The following MS4A6E variants were observed in gnomAD, a reference collection of about 807,000 sequenced individuals.
The protein encoded by MS4A6E is membrane spanning 4-domains A6E.
Under a neutral mutation model 13.2 loss-of-function variants are expected in MS4A6E, and 8 were observed. That is an observed-to-expected ratio of 0.60 (90% CI 0.35 to 1.09). MS4A6E has a LOEUF of 1.09. Ranked by LOEUF, MS4A6E falls within the 50% of genes least tolerant of loss-of-function variation. The pLI, the probability that MS4A6E is intolerant of heterozygous loss-of-function variation, is 0.02. For synonymous variants in MS4A6E, 72 were observed against 67.6 expected, an observed-to-expected ratio of 1.06 and a Z score of -0.32; for missense variants, 177 against 171.1, an observed-to-expected ratio of 1.03 and a Z score of -0.19.
chr11:60,337,474 A>G (rs773223765), intron 2 of MS4A6E, among the ~76,000 whole-genome samples: 1 of 152,104 alleles, frequency 6.6e-6, no homozygotes, highest in Non-Finnish European at 1.5e-5. Context: ...TCCCAGGGAA[A>G]GAATTTAGGA....
rs753903123 is a variant in MS4A6E, at chr11:60,337,964, T to C, written c.354+17T>C. On this transcript the variant is annotated intron_variant, in intron 3 of 4. Transcript: ENST00000684409. ...AGTCTGGCTGTAAGTATTTTTTAGATGGGATGTTCTAATTTTATGAGGTTT... is the reference window on the plus strand; with the variant it reads ...AGTCTGGCTGTAAGTATTTTTTAGACGGGATGTTCTAATTTTATGAGGTTT... 8 of 1,604,018 alleles carry C rather than the reference T, an allele frequency of 5.0e-6. No homozygotes were observed. The highest frequency in any genetic ancestry group is 3.3e-5 in the South Asian group (3 of 90,580).
At chr11:60,331,196 T>C (rs1258992042) in intron 1 of MS4A6E, among the ~76,000 whole-genome samples, 1 of 152,158 alleles carries the variant, frequency 6.6e-6, no homozygotes, top group African/African-American at 2.4e-5. Context: ...AATAATATTC[T>C]ACTATATAGC....
chr11:60,336,104 C>T (rs766288809), intron 2 of MS4A6E, among the ~76,000 whole-genome samples: 148 of 152,216 alleles, frequency 9.7e-4, no homozygotes, highest in Admixed American at 1.4e-3. Flanking sequence ...TTCTTTCCCT[C>T]GTTGGTATTT....
intron 4 of MS4A6E, among the ~76,000 whole-genome samples, chr11:60,340,200 A>T (rs10897051): frequency 0.63 from 96,417 of 152,094 alleles, 32,273 homozygotes; most frequent in Non-Finnish European, 0.74. Context: ...AACTGGTTCA[A>T]TCTTCCCATT....
chr11:60,337,610 A>G, intron 2 of MS4A6E, 131 bp from the exon 3 acceptor site: 1 of 1,127,516 alleles, frequency 8.9e-7, no homozygotes, highest in Non-Finnish European at 1.3e-6. Flanking sequence ...GAGGCCTACA[A>G]CAAGAAATGA....
At position 60,337,813 on chromosome 11, in the gene MS4A6E, A is replaced by T. The variant is rs1490664728; in HGVS notation, c.220A>T (p.Asn74Tyr). 1 of 1,614,236 alleles carries T rather than the reference A, an allele frequency of 6.2e-7. No individual in the cohort carries two copies. ...ALVGFILLSV[N>Y]PAALNPASLQ... Reference sequence around the variant, plus strand: ...GGTGGGTTTCATTCTCCTGTCTGTCAACCCGGCTGCATTAAATCCTGCCTC... The same window carrying T: ...GGTGGGTTTCATTCTCCTGTCTGTCTACCCGGCTGCATTAAATCCTGCCTC... Residue 74 changes from asparagine to tyrosine, a missense_variant, in exon 3 of 5, where the codon AAC (asparagine) becomes TAC (tyrosine). Asn to Tyr is a moderately radical substitution (Grantham distance 143, BLOSUM62 -2). Transcript: ENST00000684409.
chr11:60,339,623 G>C (rs1403154948), intron 3 of MS4A6E, among the ~76,000 whole-genome samples: 1 of 152,180 alleles, frequency 6.6e-6, no homozygotes, highest in Non-Finnish European at 1.5e-5. Flanking sequence ...TGAGAAACAA[G>C]TGTATGAAAT....
At chr11:60,328,266 G>T (rs2085132346) in intron 1 of MS4A6E, among the ~76,000 whole-genome samples, 2 of 152,228 alleles carry the variant, frequency 1.3e-5, no homozygotes, top group South Asian at 4.1e-4. Flanking sequence ...TAATCAAAAA[G>T]TAAGTGAAAT....
At chr11:60,346,174 C>T (rs1304229025), downstream of MS4A6E, among the ~76,000 whole-genome samples, 1 of 152,178 alleles carries the variant, frequency 6.6e-6, no homozygotes, top group African/African-American at 2.4e-5. Context: ...ATGCTACAGT[C>T]TGGACAGGGT....
At chr11:60,342,200 A>AGGG (rs1161931160), downstream of MS4A6E, among the ~76,000 whole-genome samples, 30 of 74,758 alleles carry the variant, frequency 4.0e-4, no homozygotes, top group South Asian at 1.0e-3. Context: ...AGAGAGAGAG[A>AGGG]GGGGGGGGGA....
At chr11:60,341,583 T>C (rs2085225877), downstream of MS4A6E, among the ~76,000 whole-genome samples, 1 of 145,180 alleles carries the variant, frequency 6.9e-6, no homozygotes, top group Admixed American at 6.9e-5. Flanking sequence ...CTCACCTTGC[T>C]CATGCACACA....
Position 60,337,885 on chromosome 11 carries a change from C to A in MS4A6E, c.292C>A (p.Leu98Ile), listed in dbSNP as rs778970331. 8 of 1,614,062 alleles carry A rather than the reference C, an allele frequency of 5.0e-6. No individual in the cohort carries two copies. The highest frequency in any genetic ancestry group is 6.8e-6 in the Non-Finnish European group (8 of 1,180,024). ...DEKDIPTRLLLSYDYHSPYTM... is the reference protein window; with the variant it reads ...DEKDIPTRLLISYDYHSPYTM... ...AAAGGATATACCAACCAGACTTCTT[C>A]TTTCTTATGATTATCATTCACCTTA... The change falls in exon 3 of 5, where the codon CTT (leucine) becomes ATT (isoleucine). Residue 98 changes from leucine (L) to isoleucine (I), a missense_variant. Leu to Ile is a conservative substitution (Grantham distance 5). Transcript: ENST00000684409.
chr11:60,334,191 G>C (rs886426129), intron 1 of MS4A6E, among the ~76,000 whole-genome samples: 2 of 152,182 alleles, frequency 1.3e-5, no homozygotes, highest in Non-Finnish European at 1.5e-5. Flanking sequence ...CCCTGTTTCA[G>C]CACTAGGGAG....
chr11:60,335,565 A>C (rs2085183399), intron 2 of MS4A6E: 1 of 455,862 alleles, frequency 2.2e-6, no homozygotes, highest in Admixed American at 2.4e-5. Flanking sequence ...TGAAGGGAGG[A>C]GAGAAAGAAG....
intron 1 of MS4A6E, among the ~76,000 whole-genome samples, chr11:60,327,744 G>C (rs1160217602): frequency 1.3e-5 from 2 of 152,046 alleles, no homozygotes; most frequent in Non-Finnish European, 2.9e-5. Context: ...AAAACTGGAG[G>C]GGGCCAGGCG....
chr11:60,336,357 C>T (rs906712633), intron 2 of MS4A6E, among the ~76,000 whole-genome samples: 2 of 152,142 alleles, frequency 1.3e-5, no homozygotes, highest in African/African-American at 4.8e-5. Flanking sequence ...CTACTGGCAA[C>T]CATACTGAGT....
At chr11:60,347,353 C>T (rs1428480289) in intron 4 of MS4A6E, among the ~76,000 whole-genome samples, 1 of 152,116 alleles carries the variant, frequency 6.6e-6, no homozygotes, top group Non-Finnish European at 1.5e-5. Context: ...GGATCATTTG[C>T]CCTCCCATCT....
chr11:60,329,692 G>T (rs1460864713), intron 1 of MS4A6E, among the ~76,000 whole-genome samples: 1 of 152,052 alleles, frequency 6.6e-6, no homozygotes, highest in African/African-American at 2.4e-5. Context: ...ATTCTAATTG[G>T]CATGAGATGG....
At chr11:60,342,674 T>G (rs1311622118), downstream of MS4A6E, among the ~76,000 whole-genome samples, 1 of 152,192 alleles carries the variant, frequency 6.6e-6, no homozygotes, top group Non-Finnish European at 1.5e-5. Context: ...GCTGCACACA[T>G]GGTGACAAAG....
Sources: gnomAD v4.1 joint callset for allele counts (sites outside exome capture counted in the v4.1 genomes callset) on GRCh38, gnomAD v4.1.1 for gene constraint, MANE v1.5 for transcripts, NCBI Gene and HGNC (gene_info 2026-07-23, HGNC 2026-07-21) for gene names.